Variants in ETV7 observed in about 807,000 individuals in gnomAD.
ETV7 encodes the protein ETS variant transcription factor 7, also known as transcription factor ETV7.
ETV7 carries 43 observed loss-of-function variants against 39.1 expected under a neutral mutation model. The observed-to-expected ratio is 1.10, with a 90% CI of 0.86 to 1.42. ETV7 has a LOEUF of 1.42. ETV7 is among the 40% of genes most tolerant of loss of function. ETV7 has a pLI of 0.00. For synonymous variants in ETV7, 196 were observed against 176.6 expected (o/e 1.11, Z -0.87); for missense variants, 432 against 442.3 (o/e 0.98, Z 0.21).
chr6:36,376,648 C>T lies in ETV7; in HGVS notation c.143-613G>A, dbSNP rs571729994. Among the ~76,000 whole-genome samples the T allele has an allele frequency of 1.8e-4, 28 of 152,178 alleles. No individual in the cohort carries two copies. In the East Asian group the frequency reaches 2.5e-3, roughly 14 times the overall value. On this transcript the variant is annotated intron_variant, in intron 2 of 7. Coordinates refer to ENST00000340181, the MANE Select transcript of ETV7 (RefSeq NM_016135.4). ...AAAATTAGCTGGGCATGGTGGCATG[C>T]ACCTGTAGTCCCAGCTGCTCGGGAG...
At chr6:36,378,126 A>G (rs1485326824) in intron 2 of ETV7, among the ~76,000 whole-genome samples, 1 of 152,182 alleles carries the variant, frequency 6.6e-6, no homozygotes, top group Non-Finnish European at 1.5e-5. Context: ...AGGAGCAAGT[A>G]AGTGTTCATG....
At chr6:36,356,862 T>A (rs1772356072) in intron 7 of ETV7, among the ~76,000 whole-genome samples, 1 of 152,228 alleles carries the variant, frequency 6.6e-6, no homozygotes. Context: ...TGTGAAGATG[T>A]GTGTATCAAG....
At chr6:36,387,194 T>C (rs1001029520) in intron 1 of ETV7, among the ~76,000 whole-genome samples, 1 of 152,118 alleles carries the variant, frequency 6.6e-6, no homozygotes, top group African/African-American at 2.4e-5. Flanking sequence ...GTTCACCAGC[T>C]GTGAGGACCT....
At chr6:36,385,449 G>T in intron 2 of ETV7, 85 bp downstream of exon 2, 2 of 1,557,610 alleles carry the variant, frequency 1.3e-6, no homozygotes, top group Non-Finnish European at 8.8e-7. Context: ...TCTAGCCTAA[G>T]TAAGCAACAG....
intron 7 of ETV7, among the ~76,000 whole-genome samples, chr6:36,355,033 T>C (rs909515192): frequency 2.0e-5 from 3 of 152,268 alleles, no homozygotes; most frequent in African/African-American, 4.8e-5. Context: ...TCATAGTTTT[T>C]TTATTCCTTA....
intron 4 of ETV7, 60 bp downstream of exon 4, chr6:36,373,393 G>A: frequency 6.9e-7 from 1 of 1,453,628 alleles, no homozygotes; most frequent in Non-Finnish European, 9.1e-7. Flanking sequence ...AGGATGTCCT[G>A]CCCTCCCAGT....
chr6:36,375,084 A>AC (rs559906047), intron 3 of ETV7, among the ~76,000 whole-genome samples: 19 of 147,780 alleles, frequency 1.3e-4, no homozygotes, highest in Admixed American at 1.0e-3. Context: ...AAAAAAAAAA[A>AC]GAACTTGGGA....
intron 7 of ETV7, among the ~76,000 whole-genome samples, chr6:36,356,349 A>AAAAAAAAAAAAAAC (rs1772342657): frequency 6.6e-6 from 1 of 151,746 alleles, no homozygotes; most frequent in Non-Finnish European, 1.5e-5. Flanking sequence ...ACAAAAAAAA[A>AAAAAAAAAAAAAAC]CACAAACAAA....
downstream of ETV7, among the ~76,000 whole-genome samples, chr6:36,365,847 C>G (rs1309866468): frequency 6.6e-6 from 1 of 152,250 alleles, no homozygotes; most frequent in Middle Eastern, 3.4e-3. Context: ...CCACAAGGCC[C>G]TTAGCACAAG....
At chr6:36,368,121 A>G (rs1185349276) in intron 6 of ETV7, among the ~76,000 whole-genome samples, 1 of 152,120 alleles carries the variant, frequency 6.6e-6, no homozygotes, top group Non-Finnish European at 1.5e-5. Context: ...TGCCTCTTAC[A>G]TAGCAGGGGA....
chr6:36,378,157 T>C (rs1773468886), intron 2 of ETV7, among the ~76,000 whole-genome samples: 1 of 152,120 alleles, frequency 6.6e-6, no homozygotes, highest in Non-Finnish European at 1.5e-5. Context: ...CGCGTGCCTA[T>C]GTGTGTATGT....
At chr6:36,379,474 A>G (rs1468915162) in intron 2 of ETV7, among the ~76,000 whole-genome samples, 1 of 151,932 alleles carries the variant, frequency 6.6e-6, no homozygotes, top group East Asian at 1.9e-4. Flanking sequence ...ATTGAGCCCA[A>G]GAGTTCACGG....
intron 1 of ETV7, among the ~76,000 whole-genome samples, chr6:36,385,902 C>T (rs1773875996): frequency 6.6e-6 from 1 of 152,190 alleles, no homozygotes. Context: ...CATGCATGTG[C>T]CTAACTCCAA....
chr6:36,375,687 G>T, intron 3 of ETV7, 184 bp downstream of exon 3: 2 of 892,616 alleles, frequency 2.2e-6, no homozygotes, highest in Non-Finnish European at 3.4e-6. Context: ...CCTTGCTGAA[G>T]GCCTGCTCTA....
At position 36,357,607 on chromosome 6, in the gene ETV7, T is replaced by C. The variant is rs77376798; in HGVS notation, c.909-2920A>G. Among the ~76,000 whole-genome samples, 1,060 of 152,340 alleles carry C rather than the reference T, an allele frequency of 7.0e-3. 37 individuals are homozygous for C. In the South Asian group the frequency reaches 0.084, roughly 12 times the overall value. On this transcript the variant is annotated intron_variant, in intron 7 of 7. Transcript: ENST00000339796. ...AGAACACCTCCCCGGCCACGTGCGC[T>C]GGCTCATGCCTGTAATCCCAGCACT...
chr6:36,354,235 A>G (rs972057465), exon 8 of ETV7: 1 of 140,786 alleles, frequency 7.1e-6, no homozygotes, highest in African/African-American at 2.6e-5. Context: ...ATGGTGTCCT[A>G]TGAAGCACAA....
intron 6 of ETV7, among the ~76,000 whole-genome samples, chr6:36,368,360 A>G (rs1033966915): frequency 6.6e-6 from 1 of 152,212 alleles, no homozygotes; most frequent in Non-Finnish European, 1.5e-5. Context: ...AAAGAAACCT[A>G]TTTATTTTAA....
downstream of ETV7, among the ~76,000 whole-genome samples, chr6:36,365,004 G>A (rs1414131053): frequency 1.3e-5 from 2 of 152,206 alleles, no homozygotes; most frequent in Non-Finnish European, 2.9e-5. Flanking sequence ...ACAGCTTTGA[G>A]CCCCAAAGTC....
intron 2 of ETV7, among the ~76,000 whole-genome samples, chr6:36,384,588 G>A (rs1773804434): frequency 6.6e-6 from 1 of 152,170 alleles, no homozygotes; most frequent in Admixed American, 6.5e-5. Flanking sequence ...CTTAGAAGTT[G>A]TGTTAAAATT....
Sources: allele counts gnomAD v4.1 joint callset (sites outside exome capture counted in the v4.1 genomes callset), GRCh38; gene constraint gnomAD v4.1.1; transcripts MANE v1.5; gene names NCBI Gene and HGNC (gene_info 2026-07-23, HGNC 2026-07-21).